SCN8A: variants seen among roughly 807,000 people sequenced by gnomAD.
SCN8A encodes sodium channel protein type 8 subunit alpha.
SCN8A carries 30 observed loss-of-function variants against 184.1 expected under a neutral mutation model. The observed-to-expected ratio is 0.16, with a 90% CI of 0.12 to 0.22. The LOEUF is 0.22. Among genes scored for constraint, SCN8A ranks in the 10% least tolerant of loss-of-function variants. The pLI is 1.00. For missense variants in SCN8A, 1,057 were observed against 2,498.9 expected (o/e 0.42, Z 12.30); for synonymous variants, 852 against 907.0 (o/e 0.94, Z 1.09).
intron 6 of SCN8A, 69 bp downstream of exon 6, chr12:51,689,165 C>G (rs1047218347): frequency 8.8e-7 from 1 of 1,138,708 alleles, no homozygotes; most frequent in African/African-American, 1.5e-5. Flanking sequence ...TTTTGTCCAC[C>G]ATTCTAAAGC....
At chr12:51,798,636 T>C (rs1269313295) in intron 26 of SCN8A, among the ~76,000 whole-genome samples, 1 of 152,196 alleles carries the variant, frequency 6.6e-6, no homozygotes, top group African/African-American at 2.4e-5. Flanking sequence ...CTATAGTCAC[T>C]TTGTTCATGG....
At chr12:51,795,728 T>C (rs977691999) in intron 26 of SCN8A, among the ~76,000 whole-genome samples, 1 of 152,204 alleles carries the variant, frequency 6.6e-6, no homozygotes, top group African/African-American at 2.4e-5. Context: ...TGCACATTAC[T>C]GAATTCTCTT....
intron 6 of SCN8A, 92 bp downstream of exon 6, chr12:51,689,188 GT>G (rs1402732982): frequency 1.1e-6 from 1 of 937,552 alleles, no homozygotes; most frequent in African/African-American, 1.6e-5. Context: ...CATCAGTACA[GT>G]TGATAATGGC....
chr12:51,740,253 TG>T (rs1357996419), intron 12 of SCN8A, among the ~76,000 whole-genome samples: 1 of 152,236 alleles, frequency 6.6e-6, no homozygotes, highest in East Asian at 1.9e-4. Flanking sequence ...GGCCAGATTT[TG>T]GGGGGCTTGC....
chr12:51,731,627 T>C (rs962333400), intron 12 of SCN8A, among the ~76,000 whole-genome samples: 5 of 152,168 alleles, frequency 3.3e-5, no homozygotes, highest in South Asian at 2.1e-4. Context: ...CTATTTTTAG[T>C]TTTTTGAGGA....
intron 1 of SCN8A, among the ~76,000 whole-genome samples, chr12:51,605,501 G>A (rs1939569838): frequency 6.6e-6 from 1 of 152,130 alleles, no homozygotes; most frequent in East Asian, 1.9e-4. Context: ...TGATTAATGG[G>A]CATTTGGGTT....
In SCN8A at chr12:51,789,588, G is replaced by A. The variant is rs966972935; in HGVS notation, c.4419+170G>A. The stretch of plus-strand genomic sequence containing the variant: ...TAGCCCCAACCCACTCTTTCTGTTC[G>A]GGGCTGGATTTTGCAGCATGTAGTT... On this transcript the variant is annotated intron_variant, in intron 24 of 26. Coordinates refer to ENST00000627620, the MANE Select transcript of SCN8A (RefSeq NM_001330260.2). Among the ~76,000 whole-genome samples the A allele has an allele frequency of 1.1e-4, 16 of 152,224 alleles. 1 individual carries two copies. The highest frequency in any genetic ancestry group is 5.9e-4 in the Admixed American group (9 of 15,298).
Position 51,769,045 on chromosome 12 carries a change from G to A in SCN8A, c.3082G>A (p.Ala1028Thr), listed in dbSNP as rs1049459817. ...FMQAHFKQREADEVKPLDELY... is the reference protein window; with the variant it reads ...FMQAHFKQRETDEVKPLDELY... Reference sequence around the variant, plus strand: ...GCAGGCCCACTTTAAGCAGCGTGAGGCTGATGAGGTGAAGCCTCTGGATGA... The same window carrying A: ...GCAGGCCCACTTTAAGCAGCGTGAGACTGATGAGGTGAAGCCTCTGGATGA... The change falls in exon 17 of 27, where the codon GCT becomes ACT. Residue 1028 changes from alanine (A) to threonine (T), a missense_variant. Physicochemically the swap from Ala to Thr is moderately conservative, Grantham distance 58. Coordinates refer to ENST00000627620, the MANE Select transcript of SCN8A (RefSeq NM_001330260.2). 2 of 1,614,008 alleles carry A rather than the reference G, an allele frequency of 1.2e-6. No homozygotes were observed. Among genetic ancestry groups the A allele is most frequent in the Non-Finnish European group, 1.7e-6 (2 of 1,179,888 alleles).
chr12:51,735,375 C>G (rs1942307802), intron 12 of SCN8A, among the ~76,000 whole-genome samples: 1 of 152,150 alleles, frequency 6.6e-6, no homozygotes, highest in Non-Finnish European at 1.5e-5. Context: ...CAAGTACGTT[C>G]ATTTTTTCTA....
chr12:51,637,530 C>T (rs764037483), intron 1 of SCN8A, among the ~76,000 whole-genome samples: 20 of 152,160 alleles, frequency 1.3e-4, no homozygotes, highest in Admixed American at 9.2e-4. Context: ...GGAGAAAGTT[C>T]GAATGGTCTG....
At chr12:51,621,292 C>G (rs1939957057) in intron 1 of SCN8A, among the ~76,000 whole-genome samples, 1 of 152,160 alleles carries the variant, frequency 6.6e-6, no homozygotes. Flanking sequence ...ACTTAGGTCA[C>G]TTGGGTCTGG....
At chr12:51,662,449 C>G (rs149848349) in intron 1 of SCN8A, among the ~76,000 whole-genome samples, 305 of 152,130 alleles carry the variant, frequency 2.0e-3, no homozygotes, top group Middle Eastern at 6.8e-3. Context: ...TTACATAGTC[C>G]TTATTTGTTT....
Position 51,707,804 on chromosome 12 carries a change from C to G in SCN8A, c.1635+1089C>G, listed in dbSNP as rs115425532. Among the ~76,000 whole-genome samples the G allele has an allele frequency of 3.9e-3, 597 of 152,306 alleles. 3 individuals carry two copies. Among genetic ancestry groups the G allele is most frequent in the African/African-American group, 0.014 (573 of 41,568 alleles). ...AACGTGCATTCCCACAACAGGTAAA[C>G]TCTTTGCATTGGCTCAATAAGCCTA... On this transcript the variant is annotated intron_variant, in intron 11 of 26. Transcript: ENST00000627620.
Position 51,684,195 on chromosome 12 carries a change from G to A in SCN8A, c.298G>A (p.Gly100Arg). ...TQKTFVVLNR[G>R]KTLFRFSATP... is the part of the protein sequence containing the mutation. ...ACAGACCTTTGTAGTATTAAACAGA[G>A]GGAAAACTCTCTTCAGATTTAGTGC... Residue 100 changes from glycine (G) to arginine (R), a missense_variant, in exon 3 of 27, where the codon GGG becomes AGG. Transcript: ENST00000627620. The A allele has an allele frequency of 6.3e-7, 1 of 1,591,822 alleles. No individual in the cohort carries two copies. Among genetic ancestry groups the A allele is most frequent in the South Asian group, 1.1e-5 (1 of 90,624 alleles).
chr12:51,688,316 G>A (rs146046550), intron 5 of SCN8A, among the ~76,000 whole-genome samples: 2 of 152,308 alleles, frequency 1.3e-5, no homozygotes, highest in South Asian at 2.1e-4. Context: ...CATATATACA[G>A]ACATTTAGTC....
At chr12:51,631,300 A>G (rs1293914172) in intron 1 of SCN8A, among the ~76,000 whole-genome samples, 2 of 152,206 alleles carry the variant, frequency 1.3e-5, no homozygotes, top group Non-Finnish European at 2.9e-5. Context: ...TGACAGGGTC[A>G]GGTTGGGGCA....
chr12:51,721,725 C>G lies in SCN8A; in HGVS notation c.1815C>G (p.Ile605Met). 1 of 1,595,016 alleles carries G rather than the reference C, an allele frequency of 6.3e-7. No individual in the cohort carries two copies. The highest frequency in any genetic ancestry group is 8.5e-7 in the Non-Finnish European group (1 of 1,170,938). The change falls in exon 12 of 27, where the codon ATC becomes ATG. Residue 605 changes from isoleucine to methionine, a missense_variant. Physicochemically the swap from Ile to Met is conservative, Grantham distance 10 (BLOSUM62 1). Around this residue, in one of 19 missense-constraint regions of SCN8A, gnomAD observed 322 missense variants for 390.1 expected, o/e 0.83. Transcript: ENST00000627620. ...EGRRDSLFIPIRARERRSSYS... is the reference protein window; with the variant it reads ...EGRRDSLFIPMRARERRSSYS... ...GCCGGGACTCCCTCTTCATCCCCAT[C>G]CGGGCCCGCGAGCGCCGGAGCAGCT...
At chr12:51,793,708 C>T (rs1487877154) in intron 25 of SCN8A, among the ~76,000 whole-genome samples, 3 of 152,126 alleles carry the variant, frequency 2.0e-5, no homozygotes, top group Non-Finnish European at 4.4e-5. Flanking sequence ...TATAGTGGTG[C>T]ACACCTGTAG....
chr12:51,629,357 A>G (rs1380299280), intron 1 of SCN8A, among the ~76,000 whole-genome samples: 2 of 152,082 alleles, frequency 1.3e-5, no homozygotes, highest in Admixed American at 6.5e-5. Flanking sequence ...TGTTCTGTGC[A>G]TTGTAAGATG....
Sources: allele counts gnomAD v4.1 joint callset (sites outside exome capture counted in the v4.1 genomes callset), GRCh38; gene constraint gnomAD v4.1.1; regional missense constraint gnomAD v4.1.1; transcripts MANE v1.5; gene names NCBI Gene and HGNC (gene_info 2026-07-23, HGNC 2026-07-21).